The following TMEM74 variants were observed in gnomAD, a reference collection of about 807,000 sequenced individuals.
TMEM74 encodes the protein transmembrane protein 74.
TMEM74 carries 13 observed loss-of-function variants against 18.1 expected under a neutral mutation model. The ratio of observed to expected loss-of-function variants is 0.72; its 90% CI spans 0.47 to 1.14. The LOEUF is 1.14. TMEM74 is among the 50% of genes most tolerant of loss of function. The pLI, the probability that TMEM74 is intolerant of heterozygous loss-of-function variation, is 0.00. For synonymous variants in TMEM74, 159 were observed against 146.6 expected, an observed-to-expected ratio of 1.08 and a Z score of -0.61; for missense variants, 372 against 375.9, an observed-to-expected ratio of 0.99 and a Z score of 0.09.
At chr8:108,687,416 C>A (rs76633385) in intron 1 of TMEM74, among the ~76,000 whole-genome samples, 3,508 of 152,132 alleles carry the variant, frequency 0.023, 69 homozygotes, top group Non-Finnish European at 0.034. Context: ...GCAGCAGTCC[C>A]CAACCTTTTT....
chr8:108,721,268 C>T lies in TMEM74; in HGVS notation n.120-65831G>A, dbSNP rs947023456. Among the ~76,000 whole-genome samples the T allele has an allele frequency of 3.7e-4, 56 of 152,208 alleles. 1 individual carries two copies. On this transcript the variant is annotated intron_variant and non_coding_transcript_variant, in intron 1 of 3. Transcript: ENST00000518838. ...ACATGCTCCCCAAACCCCATCTCTC[C>T]TCTCTACCAAGAAAGACACTCTGTC...
In TMEM74 at chr8:108,611,506, T is replaced by G. The variant is rs373981098; in HGVS notation, n.265-2680A>C. On this transcript the variant is annotated intron_variant and non_coding_transcript_variant, in intron 2 of 3. Transcript: ENST00000518838. The stretch of plus-strand genomic sequence containing the variant: ...TGGGGTATTTTTTAGTTTTCTAGGA[T>G]ACAGTTGTGCTCATAGAAAACATAA... Among the ~76,000 whole-genome samples the G allele has an allele frequency of 3.8e-4, 58 of 152,358 alleles. No homozygotes were observed. The East Asian group carries it at 5.8e-3, about 15-fold the overall frequency.
chr8:108,667,806 G>A (rs1374533067), intron 1 of TMEM74, among the ~76,000 whole-genome samples: 1 of 151,942 alleles, frequency 6.6e-6, no homozygotes, highest in East Asian at 1.9e-4. Context: ...CACCCTCCCA[G>A]CCCCATCCCC....
At chr8:108,661,815 G>A (rs1380042603) in intron 1 of TMEM74, among the ~76,000 whole-genome samples, 2 of 152,102 alleles carry the variant, frequency 1.3e-5, no homozygotes, top group Non-Finnish European at 2.9e-5. Flanking sequence ...GGGAACAGGA[G>A]GAAGTCATAC....
rs192445553 is a variant in TMEM74, at chr8:108,650,185, C to T, written n.264+5108G>A. Among the ~76,000 whole-genome samples, 966 of 152,250 alleles carry T rather than the reference C, an allele frequency of 6.3e-3. 7 individuals carry two copies. The highest frequency in any genetic ancestry group is 0.011 in the Non-Finnish European group (723 of 68,018). ...CAAAATCTGTTGTCCCATCATCTTCCCCATGCCAGGTAATGGCAACTCACA... is the reference window on the plus strand; with the variant it reads ...CAAAATCTGTTGTCCCATCATCTTCTCCATGCCAGGTAATGGCAACTCACA... On this transcript the variant is annotated intron_variant and non_coding_transcript_variant, in intron 2 of 3. Coordinates refer to the TMEM74 transcript ENST00000518838.
At position 108,784,859 on chromosome 8, in the gene TMEM74, G is replaced by A; in HGVS notation, c.240C>T (p.Ala80=). Residue 80 remains alanine, a synonymous_variant, in exon 2 of 2, where the codon GCC becomes GCT. Transcript: ENST00000297459. The part of the protein sequence containing the change: ...SLQNSTLQPD[A]FPPGLLHSGN... ...CTGAGTGGAGAAGTCCTGGTGGAAA[G>A]GCATCTGGCTGAAGAGTACTGTTTT... The A allele has an allele frequency of 6.2e-7, 1 of 1,614,174 alleles. No homozygotes were observed. The highest frequency in any genetic ancestry group is 8.5e-7 in the Non-Finnish European group (1 of 1,180,032).
chr8:108,761,976 A>G (rs1814049857), intron 1 of TMEM74, among the ~76,000 whole-genome samples: 1 of 152,194 alleles, frequency 6.6e-6, no homozygotes, highest in Non-Finnish European at 1.5e-5. Flanking sequence ...TTCTCCACCT[A>G]ATGCAATCCC....
At chr8:108,740,497 T>G (rs1813789531) in intron 1 of TMEM74, among the ~76,000 whole-genome samples, 1 of 152,198 alleles carries the variant, frequency 6.6e-6, no homozygotes, top group Admixed American at 6.5e-5. Context: ...CTCGTTTCAT[T>G]GCACTTTGCT....
At chr8:108,651,621 A>G (rs1311719709) in intron 2 of TMEM74, among the ~76,000 whole-genome samples, 1 of 151,982 alleles carries the variant, frequency 6.6e-6, no homozygotes, top group Non-Finnish European at 1.5e-5. Flanking sequence ...GAGTAGAGGC[A>G]GCTATAGCTC....
intron 1 of TMEM74, among the ~76,000 whole-genome samples, chr8:108,725,366 A>G (rs980283225): frequency 1.3e-5 from 2 of 152,182 alleles, no homozygotes; most frequent in African/African-American, 4.8e-5. Flanking sequence ...TGTGTCTCAG[A>G]ACCCCTAAAA....
Position 108,658,985 on chromosome 8 carries a change from T to A in TMEM74, n.120-3548A>T, listed in dbSNP as rs1470672573. ...AAGATGGCATCAAGCTAAACTTACT[T>A]TTACCACGGCTTCCACCTGCCACTA... is the stretch of plus-strand genomic sequence containing the variant. On this transcript the variant is annotated intron_variant and non_coding_transcript_variant, in intron 1 of 3. Coordinates refer to the TMEM74 transcript ENST00000518838. Among the ~76,000 whole-genome samples, 3 of 152,118 alleles carry A rather than the reference T, an allele frequency of 2.0e-5. No individual in the cohort carries two copies. In the East Asian group the frequency reaches 5.8e-4, roughly 29 times the overall value.
At chr8:108,691,485 C>T (rs963525438) in intron 1 of TMEM74, among the ~76,000 whole-genome samples, 4 of 152,126 alleles carry the variant, frequency 2.6e-5, no homozygotes, top group African/African-American at 9.7e-5. Context: ...ATCTGAAGTT[C>T]GCAATGACTT....
downstream of TMEM74, among the ~76,000 whole-genome samples, chr8:108,774,756 A>ATTTT (rs71305916): frequency 1.3e-4 from 16 of 121,222 alleles, no homozygotes; most frequent in East Asian, 2.4e-4. Flanking sequence ...CCTTCCTTTA[A>ATTTT]TTTTTTTTTT....
At chr8:108,713,562 A>G (rs558292102) in intron 1 of TMEM74, among the ~76,000 whole-genome samples, 44 of 152,350 alleles carry the variant, frequency 2.9e-4, no homozygotes, top group African/African-American at 1.1e-3. Context: ...TGTAAAGGAG[A>G]TAGGCACTTA....
chr8:108,693,679 A>C (rs955932345), intron 1 of TMEM74, among the ~76,000 whole-genome samples: 2 of 152,228 alleles, frequency 1.3e-5, no homozygotes, highest in African/African-American at 4.8e-5. Context: ...TTCTCTGTTG[A>C]CTAAATGGTG....
At chr8:108,644,827 C>T (rs1249612078) in intron 2 of TMEM74, among the ~76,000 whole-genome samples, 3 of 152,084 alleles carry the variant, frequency 2.0e-5, no homozygotes, top group Non-Finnish European at 4.4e-5. Flanking sequence ...GTCAGAATGG[C>T]TACTATTAAA....
At chr8:108,750,538 G>A (rs568690216) in intron 1 of TMEM74, among the ~76,000 whole-genome samples, 15 of 152,184 alleles carry the variant, frequency 9.9e-5, no homozygotes, top group South Asian at 4.2e-4. Flanking sequence ...ATTGGGAGTC[G>A]GCACCAGGGA....
rs377592566 is a variant in TMEM74, at chr8:108,649,800, G to A, written n.264+5493C>T. 2.7e-4 allele frequency among the ~76,000 whole-genome samples: 41 copies of A among 152,212 alleles called. 1 individual carries two copies. In the East Asian group the frequency reaches 5.6e-3, roughly 21 times the overall value. On this transcript the variant is annotated intron_variant and non_coding_transcript_variant, in intron 2 of 3. Transcript: ENST00000518838. ...CACTGTTCAGTAGCCAGGTGGCTGTGGCTTAGGGTTTTCAAGTCCAGTGGA... is the reference window on the plus strand; with the variant it reads ...CACTGTTCAGTAGCCAGGTGGCTGTAGCTTAGGGTTTTCAAGTCCAGTGGA...
At chr8:108,760,235 C>G (rs1359323739) in intron 1 of TMEM74, among the ~76,000 whole-genome samples, 1 of 151,512 alleles carries the variant, frequency 6.6e-6, no homozygotes, top group Admixed American at 6.6e-5. Flanking sequence ...AGCACTTTGA[C>G]AAACAGACCA....
Sources: allele counts gnomAD v4.1 joint callset (sites outside exome capture counted in the v4.1 genomes callset), GRCh38; gene constraint gnomAD v4.1.1; transcripts MANE v1.5; gene names NCBI Gene and HGNC (gene_info 2026-07-23, HGNC 2026-07-21).